PRKCH: variants seen among roughly 807,000 people sequenced by gnomAD.
PRKCH encodes protein kinase C eta, also known as protein kinase C eta type.
PRKCH carries 28 observed loss-of-function variants against 82.5 expected under a neutral mutation model. The ratio of observed to expected loss-of-function variants is 0.34; its 90% confidence interval spans 0.25 to 0.47. The LOEUF is 0.47. Ranked by LOEUF, PRKCH falls within the 20% of genes least tolerant of loss-of-function variation. The probability of loss-of-function intolerance (pLI) is 1.00; values close to 1 mark genes in which losing one functional copy is unlikely to be tolerated. For missense variants in PRKCH, 705 were observed against 881.8 expected, an observed-to-expected ratio of 0.80 and a Z score of 2.54; for synonymous variants, 322 against 327.4, an observed-to-expected ratio of 0.98 and a Z score of 0.18.
Position 61,457,368 on chromosome 14 carries a change from A to C in PRKCH, c.1104+49A>C, listed in dbSNP as rs1163177657. On this transcript the variant is annotated intron_variant, in intron 8 of 13. Coordinates refer to ENST00000332981, the MANE Select transcript of PRKCH (RefSeq NM_006255.5). ...GGGTTGAAGTAAGTGTGCTCTGTGT[A>C]TGGGGGGTGTGTGTGTGTGTGCACG... is the stretch of plus-strand genomic sequence containing the variant. 6.2e-6 allele frequency: 10 copies of C among 1,606,852 alleles called. No individual in the cohort carries two copies. The East Asian group carries it at 2.2e-4, about 36-fold the overall frequency.
At chr14:61,376,144 A>G (rs2046425946) in intron 1 of PRKCH, among the ~76,000 whole-genome samples, 1 of 152,130 alleles carries the variant, frequency 6.6e-6, no homozygotes, top group Non-Finnish European at 1.5e-5. Flanking sequence ...TGACTGTGCA[A>G]TATAATGGAG....
intron 7 of PRKCH, 78 bp from the exon 8 acceptor site, chr14:61,457,098 C>A: frequency 6.6e-7 from 1 of 1,516,126 alleles, no homozygotes; most frequent in South Asian, 1.3e-5. Context: ...CTGCTCCCAG[C>A]CAATAAGGTC....
chr14:61,190,830 C>G (rs150796523), intron 1 of PRKCH, among the ~76,000 whole-genome samples: 69 of 152,286 alleles, frequency 4.5e-4, no homozygotes, highest in African/African-American at 1.5e-3. Flanking sequence ...ACTACCTGAT[C>G]TAAAGTAGCA....
intron 1 of PRKCH, among the ~76,000 whole-genome samples, chr14:61,384,290 C>G (rs1017016118): frequency 1.1e-4 from 16 of 152,160 alleles, no homozygotes; most frequent in African/African-American, 3.9e-4. Context: ...GAATTGGCCC[C>G]TTAGAGAGAA....
At chr14:61,504,508 G>A (rs17098605) in intron 10 of PRKCH, among the ~76,000 whole-genome samples, 6,224 of 152,178 alleles carry the variant, frequency 0.041, 427 homozygotes, top group African/African-American at 0.14. Context: ...CCCATTTTGG[G>A]CGGTACACTG....
At chr14:61,252,054 G>A (rs867859773) in intron 1 of PRKCH, among the ~76,000 whole-genome samples, 5 of 152,116 alleles carry the variant, frequency 3.3e-5, no homozygotes, top group African/African-American at 7.2e-5. Flanking sequence ...TGGTCAGGCT[G>A]GTCGCGAACT....
chr14:61,358,686 A>G (rs17098267), intron 1 of PRKCH, among the ~76,000 whole-genome samples: 5,613 of 152,146 alleles, frequency 0.037, 304 homozygotes, highest in African/African-American at 0.12. Flanking sequence ...ATCAAAGGCC[A>G]ATCTCCTTAG....
chr14:61,362,601 A>T (rs560935438), intron 1 of PRKCH, among the ~76,000 whole-genome samples: 1 of 152,330 alleles, frequency 6.6e-6, no homozygotes, highest in Non-Finnish European at 1.5e-5. Context: ...CATGTGACTG[A>T]CACAGAAGAG....
rs547233981 is a variant in PRKCH at position 61,420,336 on chromosome 14, C to T, written c.428-22775C>T. Among the ~76,000 whole-genome samples, 19 of 152,212 alleles carry T rather than the reference C, an allele frequency of 1.2e-4. No homozygotes were observed. In the East Asian group the frequency reaches 3.5e-3, roughly 28 times the overall value. ...ACATGCTACTCCTCCTTTTTCCTCC[C>T]TTAGAATGATGAAAGTGTTGTTGGA... On this transcript the variant is annotated intron_variant, in intron 2 of 13. Transcript: ENST00000332981.
At chr14:61,419,066 A>T (rs1882701581) in intron 2 of PRKCH, among the ~76,000 whole-genome samples, 1 of 152,192 alleles carries the variant, frequency 6.6e-6, no homozygotes, top group African/African-American at 2.4e-5. Context: ...CTAGGTGGTG[A>T]CAGGGCCCTT....
At chr14:61,396,302 G>A (rs759808025) in intron 2 of PRKCH, among the ~76,000 whole-genome samples, 10 of 151,972 alleles carry the variant, frequency 6.6e-5, no homozygotes, top group Non-Finnish European at 1.5e-4. Flanking sequence ...GGCTGGTATT[G>A]GGGCTACTGA....
intron 10 of PRKCH, among the ~76,000 whole-genome samples, chr14:61,487,581 G>A (rs1006190039): frequency 1.3e-5 from 2 of 151,984 alleles, no homozygotes; most frequent in African/African-American, 4.8e-5. Flanking sequence ...TCTCCACTCC[G>A]CTTGCCCCGA....
At chr14:61,548,625 C>T (rs904213794) in intron 13 of PRKCH, among the ~76,000 whole-genome samples, 4 of 151,856 alleles carry the variant, frequency 2.6e-5, no homozygotes, top group Middle Eastern at 3.4e-3. Context: ...TTTGGGAGGC[C>T]GAGGCAGATG....
At chr14:61,359,663 C>A (rs2046197788) in intron 1 of PRKCH, among the ~76,000 whole-genome samples, 1 of 152,096 alleles carries the variant, frequency 6.6e-6, no homozygotes, top group Non-Finnish European at 1.5e-5. Context: ...CTGCCTGTAT[C>A]CTAATTTTCT....
intron 1 of PRKCH, among the ~76,000 whole-genome samples, chr14:61,276,212 C>G (rs1473608543): frequency 1.3e-5 from 2 of 151,692 alleles, no homozygotes; most frequent in Non-Finnish European, 2.9e-5. Context: ...ACTTAAGAGA[C>G]ATTTTCCTGG....
intron 10 of PRKCH, among the ~76,000 whole-genome samples, chr14:61,511,039 G>A (rs1853457084): frequency 6.6e-6 from 1 of 152,140 alleles, no homozygotes; most frequent in Non-Finnish European, 1.5e-5. Flanking sequence ...AGAGACTTAG[G>A]TAGGATTTAA....
intron 8 of PRKCH, 89 bp downstream of exon 8, chr14:61,457,408 C>T: frequency 6.3e-7 from 1 of 1,585,796 alleles, no homozygotes; most frequent in South Asian, 1.2e-5. Flanking sequence ...CGCACATACT[C>T]ACATTTCTCA....
chr14:61,277,047 G>T (rs1014967821), intron 1 of PRKCH, among the ~76,000 whole-genome samples: 2 of 152,044 alleles, frequency 1.3e-5, no homozygotes, highest in African/African-American at 4.8e-5. Context: ...TTAGCTGGGC[G>T]TGGTGGTGTG....
intron 1 of PRKCH, among the ~76,000 whole-genome samples, chr14:61,385,891 C>T (rs905494104): frequency 2.6e-5 from 4 of 152,076 alleles, no homozygotes; most frequent in Non-Finnish European, 5.9e-5. Flanking sequence ...TGTGGAGTTG[C>T]CCACCTGTCT....
Sources: gnomAD v4.1 joint callset for allele counts (sites outside exome capture counted in the v4.1 genomes callset) on GRCh38, gnomAD v4.1.1 for gene constraint, MANE v1.5 for transcripts, NCBI Gene and HGNC (gene_info 2026-07-23, HGNC 2026-07-21) for gene names.